The following CFAP299 variants were observed in gnomAD, a reference collection of about 807,000 sequenced individuals.
The protein encoded by CFAP299 is cilia and flagella associated protein 299.
In CFAP299, 21 loss-of-function variants were observed where a neutral mutation model predicts 27.0. That is an observed-to-expected ratio of 0.78 (90% CI 0.55 to 1.12). The LOEUF (loss-of-function observed/expected upper bound fraction) is 1.12, where lower values mean the gene tolerates loss of function less well. CFAP299 is among the 50% of genes most tolerant of loss of function. The pLI is 0.00. For missense variants in CFAP299, 310 were observed against 276.6 expected (o/e 1.12, Z -0.86); for synonymous variants, 104 against 98.1 (o/e 1.06, Z -0.36).
intron 4 of CFAP299, among the ~76,000 whole-genome samples, chr4:80,894,797 T>TGAGA (rs151177808): frequency 7.2e-5 from 11 of 151,838 alleles, no homozygotes; most frequent in Non-Finnish European, 1.2e-4. Flanking sequence ...AGTGTGTGTG[T>TGAGA]GAGAGAGAGA....
chr4:80,681,813 C>T (rs1430871664), intron 3 of CFAP299, among the ~76,000 whole-genome samples: 1 of 152,070 alleles, frequency 6.6e-6, no homozygotes, highest in African/African-American at 2.4e-5. Flanking sequence ...TGTGGGGAAA[C>T]ATTTTGATGT....
At chr4:80,569,706 T>C (rs1735489737) in intron 2 of CFAP299, among the ~76,000 whole-genome samples, 1 of 151,902 alleles carries the variant, frequency 6.6e-6, no homozygotes, top group Admixed American at 6.6e-5. Flanking sequence ...GAAAAAACTT[T>C]CCACATTAAT....
chr4:80,395,343 A>G (rs1158606373), intron 2 of CFAP299, among the ~76,000 whole-genome samples: 1 of 152,046 alleles, frequency 6.6e-6, no homozygotes, highest in Non-Finnish European at 1.5e-5. Context: ...GCAAGGAGAG[A>G]CAGCTCTACT....
chr4:80,873,075 A>C, intron 4 of CFAP299: 1 of 886,250 alleles, frequency 1.1e-6, no homozygotes, highest in Non-Finnish European at 1.4e-6. Flanking sequence ...GTCTTATAGG[A>C]TATTATAGTT....
intron 3 of CFAP299, among the ~76,000 whole-genome samples, chr4:80,621,396 T>A (rs1161887479): frequency 1.3e-5 from 2 of 152,168 alleles, no homozygotes; most frequent in Non-Finnish European, 2.9e-5. Context: ...CTCCCTCAAA[T>A]ATTTTCATAC....
chr4:80,932,739 A>G (rs1736682725), intron 4 of CFAP299, among the ~76,000 whole-genome samples: 2 of 152,184 alleles, frequency 1.3e-5, no homozygotes, highest in Non-Finnish European at 2.9e-5. Context: ...GAATATATCA[A>G]CGCTAATTCA....
At position 80,686,555 on chromosome 4, in the gene CFAP299, C is replaced by T. The variant is rs1017714935; in HGVS notation, c.333+103372C>T. Among the ~76,000 whole-genome samples the T allele has an allele frequency of 3.9e-5, 6 of 152,108 alleles. No homozygotes were observed. The South Asian group carries it at 6.2e-4, about 16-fold the overall frequency. ...TCCTACTGAATATAGAAATGCTGCC[C>T]GAGTTCTCATAATTTCATGCTTTTA... is the stretch of plus-strand genomic sequence containing the variant. On this transcript the variant is annotated intron_variant, in intron 3 of 5. Transcript: ENST00000358105.
intron 2 of CFAP299, among the ~76,000 whole-genome samples, chr4:80,365,779 A>G (rs1211291651): frequency 6.6e-6 from 1 of 152,220 alleles, no homozygotes; most frequent in African/African-American, 2.4e-5. Flanking sequence ...TTTATGAGTG[A>G]TATAAGCTAT....
intron 3 of CFAP299, among the ~76,000 whole-genome samples, chr4:80,669,301 T>G (rs1404122784): frequency 6.6e-6 from 1 of 151,542 alleles, no homozygotes; most frequent in Non-Finnish European, 1.5e-5. Context: ...GTAGCTGGCA[T>G]GTGCCGTGCC....
intron 3 of CFAP299, among the ~76,000 whole-genome samples, chr4:80,646,472 A>G (rs995418908): frequency 1.3e-5 from 2 of 152,198 alleles, no homozygotes; most frequent in Non-Finnish European, 2.9e-5. Context: ...GAGTACTACA[A>G]TTAATTCTAA....
At chr4:80,691,479 G>T (rs1296565540) in intron 3 of CFAP299, among the ~76,000 whole-genome samples, 4 of 151,070 alleles carry the variant, frequency 2.6e-5, no homozygotes, top group African/African-American at 7.4e-5. Context: ...AAAGGCCTTT[G>T]ACAAAATTCA....
chr4:80,569,331 T>C (rs899108061), intron 2 of CFAP299, among the ~76,000 whole-genome samples: 2 of 152,100 alleles, frequency 1.3e-5, no homozygotes, highest in South Asian at 2.1e-4. Flanking sequence ...GGTGTATAGT[T>C]GACCATTTAT....
rs374536025 is a variant in CFAP299, at chr4:80,868,966, G to A, written c.334-1027G>A. Among the ~76,000 whole-genome samples, 9 of 149,404 alleles carry A rather than the reference G, an allele frequency of 6.0e-5. No individual in the cohort carries two copies. In the South Asian group the frequency reaches 1.9e-3, roughly 32 times the overall value. On this transcript the variant is annotated intron_variant, in intron 3 of 5. Transcript: ENST00000358105. ...GTGTGTGTCCCAATATGACATAACTGACATTGGGAGCAAGCTTGATGGTGA... is the reference window on the plus strand; with the variant it reads ...GTGTGTGTCCCAATATGACATAACTAACATTGGGAGCAAGCTTGATGGTGA...
intron 3 of CFAP299, among the ~76,000 whole-genome samples, chr4:80,680,936 GTCAAGGATCATGTTT>G (rs1553948155): frequency 6.6e-6 from 1 of 152,118 alleles, no homozygotes; most frequent in Non-Finnish European, 1.5e-5. Flanking sequence ...AGAGCTCAGT[GTCAAGGATCATGTTT>G]TCAAGTCTCC....
chr4:80,771,633 C>T (rs1190738477), intron 3 of CFAP299, among the ~76,000 whole-genome samples: 1 of 152,136 alleles, frequency 6.6e-6, no homozygotes, highest in East Asian at 1.9e-4. Context: ...GCATCTAGGG[C>T]TGATGTGATG....
At chr4:80,840,474 G>T (rs935554537) in intron 3 of CFAP299, among the ~76,000 whole-genome samples, 1 of 152,022 alleles carries the variant, frequency 6.6e-6, no homozygotes, top group Non-Finnish European at 1.5e-5. Flanking sequence ...TATTTTACAT[G>T]GGCAGATAAG....
rs190151254 is a variant in CFAP299, at chr4:80,380,916, T to A, written c.242+18032T>A. On this transcript the variant is annotated intron_variant, in intron 2 of 5. Transcript: ENST00000358105. ...TCCCTTTCTTTGGCCTTTATTACTT[T>A]GTAGCCTATTTGTCTTCTAGATATT... 4.2e-3 allele frequency among the ~76,000 whole-genome samples: 644 copies of A among 152,340 alleles called. 5 individuals carry two copies. The highest frequency in any genetic ancestry group is 5.6e-3 in the Non-Finnish European group (382 of 68,032).
At chr4:80,471,254 G>A (rs917532384) in intron 2 of CFAP299, among the ~76,000 whole-genome samples, 6 of 151,830 alleles carry the variant, frequency 4.0e-5, no homozygotes, top group African/African-American at 1.5e-4. Context: ...AACAACAGAT[G>A]TATCAGAAAA....
chr4:80,456,398 G>A (rs1270691963), intron 2 of CFAP299, among the ~76,000 whole-genome samples: 1 of 152,094 alleles, frequency 6.6e-6, no homozygotes, highest in Non-Finnish European at 1.5e-5. Flanking sequence ...AGCAGGGAGA[G>A]CAGCGAGAGG....
Sources: allele counts gnomAD v4.1 joint callset (sites outside exome capture counted in the v4.1 genomes callset), GRCh38; gene constraint gnomAD v4.1.1; transcripts MANE v1.5; gene names NCBI Gene and HGNC (gene_info 2026-07-23, HGNC 2026-07-21).